CNTNAP2: variants seen among roughly 807,000 people sequenced by gnomAD.
The protein encoded by CNTNAP2 is contactin associated protein 2.
CNTNAP2 carries 98 observed loss-of-function variants against 155.2 expected under a neutral mutation model. The ratio of observed to expected loss-of-function variants is 0.63; its 90% CI spans 0.54 to 0.75. The LOEUF is 0.75. Ranked by LOEUF, CNTNAP2 falls within the 30% of genes least tolerant of loss-of-function variation. CNTNAP2 has a pLI of 0.00. For missense variants in CNTNAP2, 1,727 were observed against 1,688.1 expected, an observed-to-expected ratio of 1.02 and a Z score of -0.40; for synonymous variants, 651 against 631.2, an observed-to-expected ratio of 1.03 and a Z score of -0.47.
At chr7:147,538,642 T>G (rs183303577) in intron 11 of CNTNAP2, among the ~76,000 whole-genome samples, 2 of 152,104 alleles carry the variant, frequency 1.3e-5, no homozygotes, top group East Asian at 3.9e-4. Flanking sequence ...AGAGTGAGAT[T>G]ATATATATAA....
intron 1 of CNTNAP2, among the ~76,000 whole-genome samples, chr7:146,431,826 G>A (rs2129117106): frequency 6.6e-6 from 1 of 152,088 alleles, no homozygotes; most frequent in Middle Eastern, 3.4e-3. Context: ...TTTATTTTGT[G>A]CTTTATTAAA....
At chr7:146,337,685 G>A (rs1307826209) in intron 1 of CNTNAP2, among the ~76,000 whole-genome samples, 1 of 152,194 alleles carries the variant, frequency 6.6e-6, no homozygotes, top group East Asian at 1.9e-4. Flanking sequence ...GCCCAGGCTG[G>A]TCTCAAACTC....
At chr7:147,320,689 T>A (rs1795334877) in intron 9 of CNTNAP2, among the ~76,000 whole-genome samples, 1 of 152,178 alleles carries the variant, frequency 6.6e-6, no homozygotes, top group African/African-American at 2.4e-5. Flanking sequence ...GAGAGACACA[T>A]AGCCATTGCT....
intron 16 of CNTNAP2, among the ~76,000 whole-genome samples, chr7:148,121,046 AT>A (rs961550441): frequency 1.3e-5 from 2 of 150,256 alleles, no homozygotes; most frequent in Non-Finnish European, 3.0e-5. Context: ...ATTTTTTTTT[AT>A]TTTTTTTTAT....
chr7:148,344,757 C>T (rs1798292880), intron 21 of CNTNAP2, among the ~76,000 whole-genome samples: 1 of 152,140 alleles, frequency 6.6e-6, no homozygotes, highest in South Asian at 2.1e-4. Flanking sequence ...TATGTGAAAG[C>T]ACTTTGATAA....
intron 3 of CNTNAP2, among the ~76,000 whole-genome samples, chr7:147,023,075 T>A (rs899674180): frequency 6.6e-5 from 10 of 152,168 alleles, no homozygotes; most frequent in African/African-American, 2.2e-4. Flanking sequence ...GGTTCCTTGC[T>A]TCATGATAAA....
chr7:146,531,168 T>C (rs936252682), intron 1 of CNTNAP2, among the ~76,000 whole-genome samples: 43 of 152,008 alleles, frequency 2.8e-4, no homozygotes, highest in African/African-American at 9.4e-4. Context: ...GAGCTAAACA[T>C]TGAGTACATA....
intron 1 of CNTNAP2, among the ~76,000 whole-genome samples, chr7:146,245,634 A>G (rs1430026122): frequency 3.3e-5 from 5 of 152,010 alleles, no homozygotes; most frequent in Non-Finnish European, 5.9e-5. Context: ...TGGGAGATTA[A>G]TCGGATACGA....
At chr7:148,060,766 T>C (rs1240059958) in intron 15 of CNTNAP2, among the ~76,000 whole-genome samples, 3 of 152,230 alleles carry the variant, frequency 2.0e-5, no homozygotes, top group Admixed American at 1.3e-4. Flanking sequence ...CTTTTTGTTA[T>C]AGATCCTCAG....
At position 147,300,130 on chromosome 7, in the gene CNTNAP2, G is replaced by A. The variant is rs1389287783; in HGVS notation, c.1349-11G>A. 1.9e-6 allele frequency: 3 copies of A among 1,613,682 alleles called. No individual in the cohort carries two copies. The highest frequency in any genetic ancestry group is 1.7e-5 in the Admixed American group (1 of 59,976). ...TTAAGATAAAAATGACTTTTATCTT[G>A]TACTTACCAGGTTCTGGGTTGAATG... On this transcript the variant is annotated splice_polypyrimidine_tract_variant and intron_variant, in intron 8 of 23. Transcript: ENST00000361727.
chr7:148,076,926 A>C (rs1387679490), intron 15 of CNTNAP2, among the ~76,000 whole-genome samples: 2 of 152,062 alleles, frequency 1.3e-5, no homozygotes, highest in African/African-American at 4.8e-5. Flanking sequence ...ACCAGCACAA[A>C]CTCTGTATGC....
intron 1 of CNTNAP2, among the ~76,000 whole-genome samples, chr7:146,508,924 G>A (rs967001318): frequency 6.6e-6 from 1 of 152,110 alleles, no homozygotes; most frequent in Admixed American, 6.5e-5. Context: ...ATGGCCCCCT[G>A]CAGAAGGAGT....
At chr7:146,857,454 C>G (rs1795013222) in intron 3 of CNTNAP2, among the ~76,000 whole-genome samples, 1 of 152,154 alleles carries the variant, frequency 6.6e-6, no homozygotes, top group African/African-American at 2.4e-5. Flanking sequence ...TCTTTCAAAA[C>G]CAGATTGCCT....
chr7:147,020,495 AT>A (rs1224004654), intron 3 of CNTNAP2, among the ~76,000 whole-genome samples: 3 of 152,116 alleles, frequency 2.0e-5, no homozygotes, highest in Non-Finnish European at 4.4e-5. Flanking sequence ...TCTCCTTGTT[AT>A]ATGGAGTTCT....
intron 1 of CNTNAP2, among the ~76,000 whole-genome samples, chr7:146,332,941 ATTTTTTT>A (rs4016094): frequency 6.6e-4 from 68 of 102,458 alleles, no homozygotes; most frequent in Middle Eastern, 7.2e-3. Context: ...TTCTTCTTCT[ATTTTTTT>A]TTTTTTTTTT....
At chr7:146,574,608 G>A (rs1798494772) in intron 1 of CNTNAP2, among the ~76,000 whole-genome samples, 1 of 152,096 alleles carries the variant, frequency 6.6e-6, no homozygotes, top group Non-Finnish European at 1.5e-5. Flanking sequence ...GGCTGAGGCA[G>A]GAGAATTGCT....
chr7:147,126,237 T>A (rs1801231610), intron 6 of CNTNAP2, among the ~76,000 whole-genome samples: 1 of 152,162 alleles, frequency 6.6e-6, no homozygotes, highest in South Asian at 2.1e-4. Flanking sequence ...AGGTATCCAA[T>A]AGTCCCTGCG....
At chr7:147,418,803 G>C (rs548261168) in intron 10 of CNTNAP2, among the ~76,000 whole-genome samples, 37 of 152,232 alleles carry the variant, frequency 2.4e-4, no homozygotes, top group Middle Eastern at 3.4e-3. Flanking sequence ...TTTAACAACG[G>C]TCTACTTTAC....
intron 1 of CNTNAP2, among the ~76,000 whole-genome samples, chr7:146,715,391 C>T (rs1344834084): frequency 1.3e-5 from 2 of 152,066 alleles, no homozygotes; most frequent in Non-Finnish European, 1.5e-5. Context: ...ACAGCAAGTC[C>T]CTGGGCCTTT....
Sources: gnomAD v4.1 joint callset for allele counts (sites outside exome capture counted in the v4.1 genomes callset) on GRCh38, gnomAD v4.1.1 for gene constraint, MANE v1.5 for transcripts, NCBI Gene and HGNC (gene_info 2026-07-23, HGNC 2026-07-21) for gene names.